Variants in ZBTB10 observed in about 807,000 individuals in gnomAD.
ZBTB10 encodes the protein zinc finger and BTB domain-containing protein 10.
Under a neutral mutation model 76.4 loss-of-function variants are expected in ZBTB10, and 32 were observed. The ratio of observed to expected loss-of-function variants is 0.42; its 90% CI spans 0.32 to 0.56. ZBTB10 has a LOEUF of 0.56. ZBTB10 is among the 20% of genes least tolerant of loss of function. The pLI is 0.14. For synonymous variants in ZBTB10, 523 were observed against 432.9 expected (o/e 1.21, Z -2.58); for missense variants, 1,057 against 1,098.5 (o/e 0.96, Z 0.53).
chr8:80,487,697 C>G lies in ZBTB10; in HGVS notation c.887C>G (p.Ser296Trp), dbSNP rs764139896. The change falls in exon 1 of 6, where the codon TCG (serine) becomes TGG (tryptophan). Residue 296 changes from serine (S) to tryptophan (W), a missense_variant. Transcript: ENST00000455036. ...DLPPVGHDEL[S>W]RGTRNYKKTL... Reference sequence around the variant, plus strand: ...CCCCCAGTGGGGCATGATGAGCTTTCGCGAGGGACCCGCAACTACAAGAAA... The same window carrying G: ...CCCCCAGTGGGGCATGATGAGCTTTGGCGAGGGACCCGCAACTACAAGAAA... The G allele has an allele frequency of 6.2e-7, 1 of 1,613,782 alleles. No individual in the cohort carries two copies. The highest frequency in any genetic ancestry group is 1.7e-5 in the Admixed American group (1 of 60,000).
At chr8:80,500,643 C>CT (rs1815900315) in intron 2 of ZBTB10, among the ~76,000 whole-genome samples, 2 of 152,282 alleles carry the variant, frequency 1.3e-5, no homozygotes, top group Admixed American at 1.3e-4. Context: ...GTGGACTCTG[C>CT]TGCATGTACG....
At chr8:80,492,061 A>G (rs1435840753) in intron 1 of ZBTB10, among the ~76,000 whole-genome samples, 1 of 152,192 alleles carries the variant, frequency 6.6e-6, no homozygotes, top group Non-Finnish European at 1.5e-5. Flanking sequence ...TTGGTTGGTT[A>G]CTTGGTTGGT....
chr8:80,496,629 G>A (rs1012410779), intron 1 of ZBTB10, among the ~76,000 whole-genome samples: 1 of 152,114 alleles, frequency 6.6e-6, no homozygotes, highest in African/African-American at 2.4e-5. Flanking sequence ...AGGACATTTG[G>A]TATGATAAAG....
At position 80,525,317 on chromosome 8, in the gene ZBTB10, AT is replaced by A. The variant is rs1816540211; in HGVS notation, c.*5790del. The A allele has an allele frequency of 6.6e-6, 1 of 152,160 alleles. No homozygotes were observed. The highest frequency in any genetic ancestry group is 3.2e-3 in the Middle Eastern group (1 of 316). 9.4% of individuals were successfully genotyped at this position (152,160 alleles called of 1,614,324 possible). A position where few individuals can be genotyped will look rare whatever the true frequency, so the allele number is the denominator to read the frequency against. On this transcript the variant is annotated 3_prime_UTR_variant, in exon 6 of 6. Transcript: ENST00000455036. ...AAATCTATTCAGCTAATTAAAGTGA[AT>A]GAAAAATATTACAGATTCCATAACT...
rs188958939 is a variant in ZBTB10 at position 80,500,667 on chromosome 8, C to G, written c.1861+285C>G. Among the ~76,000 whole-genome samples, 15 of 152,216 alleles carry G rather than the reference C, an allele frequency of 9.9e-5. No homozygotes were observed. The East Asian group carries it at 2.3e-3, about 23-fold the overall frequency. On this transcript the variant is annotated intron_variant, in intron 2 of 5. Transcript: ENST00000455036. ...GCTGCATGTACGGGTCTTTGACTTTCCTCATTTTTAGCCTCTGTGCTCACT... is the reference window on the plus strand; with the variant it reads ...GCTGCATGTACGGGTCTTTGACTTTGCTCATTTTTAGCCTCTGTGCTCACT...
At chr8:80,508,269 A>G (rs1249419505) in intron 2 of ZBTB10, among the ~76,000 whole-genome samples, 1 of 152,234 alleles carries the variant, frequency 6.6e-6, no homozygotes, top group Non-Finnish European at 1.5e-5. Context: ...AGTTTTTTAT[A>G]GAACTGAATT....
Position 80,523,403 on chromosome 8 carries a change from CTT to C in ZBTB10, c.*3877_*3878del, listed in dbSNP as rs1376781428. ...TCTTCATAAAGCAGTTGTTTTGTCACTTTGACTATATTAAGACACATCAGTGT... is the reference window on the plus strand; with the variant it reads ...TCTTCATAAAGCAGTTGTTTTGTCACTGACTATATTAAGACACATCAGTGT... On this transcript the variant is annotated 3_prime_UTR_variant, in exon 6 of 6. Coordinates refer to ENST00000455036, the MANE Select transcript of ZBTB10 (RefSeq NM_001105539.3). 3 of 151,910 alleles carry C rather than the reference CTT, an allele frequency of 2.0e-5. No homozygotes were observed. The highest frequency in any genetic ancestry group is 6.6e-5 in the Admixed American group (1 of 15,228). The allele number at this position is 151,910 out of a possible 1,614,324, so 9.4% of individuals were successfully genotyped here.
rs377273545 is a variant in ZBTB10, at chr8:80,516,643, G to A, written c.1961-1760G>A. Among the ~76,000 whole-genome samples the A allele has an allele frequency of 6.6e-5, 10 of 152,300 alleles. No homozygotes were observed. The East Asian group carries it at 7.7e-4, about 12-fold the overall frequency. ...TATAGTTGAATTTATGTAGCTATGG[G>A]TTCAGGGGGCTTTCTTTACATCAAA... is the stretch of plus-strand genomic sequence containing the variant. On this transcript the variant is annotated intron_variant, in intron 3 of 5. Transcript: ENST00000455036.
intron 2 of ZBTB10, among the ~76,000 whole-genome samples, chr8:80,503,674 A>C (rs1240864034): frequency 1.3e-5 from 2 of 151,840 alleles, no homozygotes; most frequent in African/African-American, 4.8e-5. Flanking sequence ...GCACCACTGC[A>C]CCCAGCTAAT....
At chr8:80,489,207 TTAAC>T (rs141811338) in intron 1 of ZBTB10, among the ~76,000 whole-genome samples, 2,511 of 152,314 alleles carry the variant, frequency 0.016, 72 homozygotes, top group African/African-American at 0.058. Context: ...CTTTCTGCAA[TTAAC>T]TAGCTTTGTG....
intron 2 of ZBTB10, among the ~76,000 whole-genome samples, chr8:80,513,432 C>T (rs185253256): frequency 3.2e-4 from 49 of 152,278 alleles, no homozygotes; most frequent in African/African-American, 1.1e-3. Context: ...CCTGAGCCCC[C>T]ACTTCCAGCT....
intron 1 of ZBTB10, among the ~76,000 whole-genome samples, chr8:80,498,124 C>T (rs1340972851): frequency 1.3e-5 from 2 of 152,166 alleles, no homozygotes; most frequent in Admixed American, 1.3e-4. Context: ...ATGATTTAGC[C>T]ATGCACATGA....
At chr8:80,493,148 C>T (rs112185268) in intron 1 of ZBTB10, among the ~76,000 whole-genome samples, 7,533 of 150,746 alleles carry the variant, frequency 0.05, 230 homozygotes, top group African/African-American at 0.089. Context: ...TAGCAGGCAC[C>T]CCACTGCACT....
At chr8:80,493,641 A>AC (rs1253601351) in intron 1 of ZBTB10, among the ~76,000 whole-genome samples, 2 of 143,670 alleles carry the variant, frequency 1.4e-5, no homozygotes, top group African/African-American at 5.3e-5. Flanking sequence ...ACATGGAGAA[A>AC]CCCCGTCTCT....
At chr8:80,505,145 A>G in intron 2 of ZBTB10, among the ~76,000 whole-genome samples, 1 of 152,230 alleles carries the variant, frequency 6.6e-6, no homozygotes, top group East Asian at 1.9e-4. Context: ...AAATTGGCAA[A>G]GAAGTTAAGA....
At chr8:80,508,589 A>G (rs1816115650) in intron 2 of ZBTB10, among the ~76,000 whole-genome samples, 1 of 152,220 alleles carries the variant, frequency 6.6e-6, no homozygotes, top group Admixed American at 6.5e-5. Flanking sequence ...GACGGGGTGC[A>G]GTGGAACAGT....
In ZBTB10 at chr8:80,486,867, C is replaced by T; in HGVS notation, c.57C>T (p.Val19=). ...TGGCGTTCCGAGGAGGCGGGTTGGT[C>T]ACCGCTAGCGGCGGCGGCTCCACGA... ...RTLAFRGGGL[V]TASGGGSTNN... The change falls in exon 1 of 6, where the codon GTC becomes GTT. Residue 19 remains valine (V), a synonymous_variant. Transcript: ENST00000455036. 2.0e-6 allele frequency: 3 copies of T among 1,510,116 alleles called. No individual in the cohort carries two copies. The highest frequency in any genetic ancestry group is 2.7e-6 in the Non-Finnish European group (3 of 1,131,524). The allele number at this position is 1,510,116 out of a possible 1,614,324, so 93.5% of individuals were successfully genotyped here. A position where few individuals can be genotyped will look rare whatever the true frequency, so the allele number is the denominator to read the frequency against.
intron 2 of ZBTB10, among the ~76,000 whole-genome samples, chr8:80,503,003 A>AT (rs1231646151): frequency 2.0e-5 from 3 of 152,058 alleles, no homozygotes; most frequent in Admixed American, 6.6e-5. Context: ...TGGATGTGGA[A>AT]TTTTTTTTAA....
Position 80,501,734 on chromosome 8 carries a change from C to T in ZBTB10, c.1861+1352C>T, listed in dbSNP as rs185962550. 3.9e-5 allele frequency among the ~76,000 whole-genome samples: 6 copies of T among 152,038 alleles called. No homozygotes were observed. The South Asian group carries it at 1.0e-3, about 26-fold the overall frequency. On this transcript the variant is annotated intron_variant, in intron 2 of 5. Coordinates refer to ENST00000455036, the MANE Select transcript of ZBTB10 (RefSeq NM_001105539.3). ...TGAAAAATCAAGTGTGTATATATAA[C>T]GAATACTATATATCTTTTTCCTTGT...
Sources: allele counts gnomAD v4.1 joint callset (sites outside exome capture counted in the v4.1 genomes callset), GRCh38; gene constraint gnomAD v4.1.1; transcripts MANE v1.5; gene names NCBI Gene and HGNC (gene_info 2026-07-23, HGNC 2026-07-21).